Variants in WDPCP observed in about 807,000 individuals in gnomAD.
WDPCP encodes WD repeat containing planar cell polarity effector.
WDPCP carries 71 observed loss-of-function variants against 93.1 expected under a neutral mutation model. That is an observed-to-expected ratio of 0.76 (90% CI 0.63 to 0.93). WDPCP has a LOEUF of 0.93. Among genes scored for constraint, WDPCP ranks in the 40% least tolerant of loss-of-function variants. The pLI, the probability that WDPCP is intolerant of heterozygous loss-of-function variation, is 0.00. For synonymous variants in WDPCP, 315 were observed against 315.0 expected (o/e 1.00, Z 0.00); for missense variants, 844 against 887.4 (o/e 0.95, Z 0.62).
At chr2:63,251,967 G>A (rs1424652352) in intron 14 of WDPCP, among the ~76,000 whole-genome samples, 1 of 151,736 alleles carries the variant, frequency 6.6e-6, no homozygotes, top group Non-Finnish European at 1.5e-5. Context: ...ACCAAAACCT[G>A]GCAAAGACAC....
intron 15 of WDPCP, among the ~76,000 whole-genome samples, chr2:63,164,133 C>A (rs544877414): frequency 1.5e-3 from 232 of 152,206 alleles, no homozygotes; most frequent in Non-Finnish European, 2.4e-3. Context: ...TAATCTAATA[C>A]AAATGAGAAA....
At chr2:63,494,444 A>G (rs1329859705) in intron 1 of WDPCP, among the ~76,000 whole-genome samples, 1 of 152,164 alleles carries the variant, frequency 6.6e-6, no homozygotes, top group Admixed American at 6.5e-5. Flanking sequence ...TTGAGGTAAT[A>G]CCATCAGCAT....
chr2:63,780,973 T>A (rs1315535816), intron 2 of WDPCP, among the ~76,000 whole-genome samples: 1 of 152,076 alleles, frequency 6.6e-6, no homozygotes, highest in Admixed American at 6.6e-5. Context: ...CCTCACCAAA[T>A]AAAACCACTT....
chr2:63,529,553 C>G (rs1703648114), intron 1 of WDPCP, among the ~76,000 whole-genome samples: 1 of 152,208 alleles, frequency 6.6e-6, no homozygotes, highest in Non-Finnish European at 1.5e-5. Context: ...GCTTGCATCC[C>G]AGGGATGAAA....
chr2:63,749,639 G>C (rs1669850705), intron 2 of WDPCP, among the ~76,000 whole-genome samples: 1 of 152,096 alleles, frequency 6.6e-6, no homozygotes, highest in Admixed American at 6.6e-5. Context: ...AGGTAGGCTA[G>C]GCTAAGCCAT....
intron 2 of WDPCP, among the ~76,000 whole-genome samples, chr2:63,710,056 A>G (rs1669237014): frequency 6.6e-6 from 1 of 152,240 alleles, no homozygotes; most frequent in African/African-American, 2.4e-5. Context: ...AGGAAATTTC[A>G]TTAGGTAACT....
intron 2 of WDPCP, among the ~76,000 whole-genome samples, chr2:63,739,489 C>T (rs1669685192): frequency 6.6e-6 from 1 of 152,076 alleles, no homozygotes; most frequent in Non-Finnish European, 1.5e-5. Flanking sequence ...AATGAACATT[C>T]GGATGCATAT....
chr2:63,382,431 A>G (rs531495826), intron 10 of WDPCP, among the ~76,000 whole-genome samples: 2 of 152,222 alleles, frequency 1.3e-5, no homozygotes, highest in South Asian at 4.1e-4. Context: ...TTAAATGACA[A>G]TAAGTACTAG....
intron 2 of WDPCP, among the ~76,000 whole-genome samples, chr2:63,701,905 G>A (rs1669058018): frequency 6.6e-6 from 1 of 152,142 alleles, no homozygotes; most frequent in Non-Finnish European, 1.5e-5. Flanking sequence ...TATACAGTTC[G>A]ATAGAAGAAA....
intron 14 of WDPCP, among the ~76,000 whole-genome samples, chr2:63,207,722 G>C (rs1206428193): frequency 6.6e-6 from 1 of 152,012 alleles, no homozygotes; most frequent in Non-Finnish European, 1.5e-5. Context: ...AACTTGGGCT[G>C]GTGTTTCCAG....
intron 2 of WDPCP, among the ~76,000 whole-genome samples, chr2:63,792,169 C>T (rs1670555288): frequency 6.6e-6 from 1 of 152,118 alleles, no homozygotes; most frequent in Non-Finnish European, 1.5e-5. Flanking sequence ...TAAAGAACTA[C>T]CCAAGACTGG....
intron 14 of WDPCP, among the ~76,000 whole-genome samples, chr2:63,189,850 ACAT>A (rs763915095): frequency 1.3e-5 from 2 of 152,180 alleles, no homozygotes; most frequent in Non-Finnish European, 1.5e-5. Context: ...GAATATCACT[ACAT>A]GGATCAATTG....
chr2:63,407,999 G>A (rs1694722473), intron 9 of WDPCP, among the ~76,000 whole-genome samples: 1 of 152,110 alleles, frequency 6.6e-6, no homozygotes, highest in South Asian at 2.1e-4. Context: ...AAGGATCCCA[G>A]GCCTCCTTGT....
chr2:63,305,141 C>G (rs1210529749), intron 13 of WDPCP, among the ~76,000 whole-genome samples: 3 of 152,176 alleles, frequency 2.0e-5, no homozygotes, highest in Non-Finnish European at 4.4e-5. Context: ...GACAGAGCAC[C>G]TGGGGGAAAG....
intron 2 of WDPCP, among the ~76,000 whole-genome samples, chr2:63,794,184 C>A (rs1455222734): frequency 6.6e-6 from 1 of 152,150 alleles, no homozygotes. Flanking sequence ...CTCCTTTATT[C>A]CTTAAGGTTG....
chr2:63,519,975 G>C (rs1702810549), intron 1 of WDPCP, among the ~76,000 whole-genome samples: 1 of 152,162 alleles, frequency 6.6e-6, no homozygotes, highest in African/African-American at 2.4e-5. Context: ...AATCCAAGGA[G>C]TATTAAGATT....
At chr2:63,827,141 C>T (rs1390780489) in intron 1 of WDPCP, among the ~76,000 whole-genome samples, 2 of 152,014 alleles carry the variant, frequency 1.3e-5, no homozygotes, top group South Asian at 2.1e-4. Context: ...TGTTAAAATT[C>T]CTTCAATAAA....
At chr2:63,304,246 T>G (rs556993473) in intron 13 of WDPCP, among the ~76,000 whole-genome samples, 1 of 152,240 alleles carries the variant, frequency 6.6e-6, no homozygotes, top group Admixed American at 6.5e-5. Flanking sequence ...GAAGTCTTCA[T>G]CAATGGTTGA....
chr2:63,384,763 G>T, intron 10 of WDPCP, among the ~76,000 whole-genome samples: 1 of 150,646 alleles, frequency 6.6e-6, no homozygotes, highest in South Asian at 2.1e-4. Context: ...ATTAACAAAA[G>T]AAGAAATAAT....
Sources: gnomAD v4.1 joint callset for allele counts (sites outside exome capture counted in the v4.1 genomes callset) on GRCh38, gnomAD v4.1.1 for gene constraint, MANE v1.5 for transcripts, NCBI Gene and HGNC (gene_info 2026-07-23, HGNC 2026-07-21) for gene names.